TAFA1: variants seen among roughly 807,000 people sequenced by gnomAD.
TAFA1 encodes chemokine-like protein TAFA-1.
TAFA1 carries 4 observed loss-of-function variants against 18.5 expected under a neutral mutation model. That is an observed-to-expected ratio of 0.22 (90% CI 0.11 to 0.49). The LOEUF is 0.49. Among genes scored for constraint, TAFA1 ranks in the 20% least tolerant of loss-of-function variants. TAFA1 has a pLI of 0.98. For missense variants in TAFA1, 147 were observed against 169.0 expected, an observed-to-expected ratio of 0.87 and a Z score of 0.72; for synonymous variants, 56 against 55.2, an observed-to-expected ratio of 1.01 and a Z score of -0.06.
intron 2 of TAFA1, among the ~76,000 whole-genome samples, chr3:68,051,247 A>G (rs930498224): frequency 3.9e-5 from 6 of 152,294 alleles, no homozygotes; most frequent in South Asian, 2.1e-4. Context: ...ATTCATTTCA[A>G]TTTCTACTAT....
At chr3:68,408,123 G>A (rs924188709) in intron 2 of TAFA1, among the ~76,000 whole-genome samples, 4 of 152,014 alleles carry the variant, frequency 2.6e-5, no homozygotes, top group Admixed American at 2.0e-4. Context: ...AAAAATTTGC[G>A]ATTTTTCTTA....
intron 2 of TAFA1, among the ~76,000 whole-genome samples, chr3:68,079,487 C>G (rs28857769): frequency 6.6e-6 from 1 of 152,030 alleles, no homozygotes; most frequent in African/African-American, 2.4e-5. Flanking sequence ...GCTTTGAATG[C>G]GTCCCAGAGA....
intron 3 of TAFA1, among the ~76,000 whole-genome samples, chr3:68,465,237 C>G (rs1259688363): frequency 6.6e-6 from 1 of 152,154 alleles, no homozygotes; most frequent in Non-Finnish European, 1.5e-5. Context: ...GCCTTGAATA[C>G]TACTGGGAAC....
At chr3:68,190,121 C>G (rs2066319959) in intron 2 of TAFA1, among the ~76,000 whole-genome samples, 1 of 151,812 alleles carries the variant, frequency 6.6e-6, no homozygotes, top group Non-Finnish European at 1.5e-5. Context: ...TGAGTGGTAT[C>G]AGAAAGAGAT....
intron 2 of TAFA1, among the ~76,000 whole-genome samples, chr3:68,082,690 T>C (rs2064920312): frequency 6.6e-6 from 1 of 152,232 alleles, no homozygotes; most frequent in Non-Finnish European, 1.5e-5. Flanking sequence ...TTTTATATTG[T>C]ATTATAATAC....
chr3:68,386,942 G>T (rs1466339333), intron 2 of TAFA1, among the ~76,000 whole-genome samples: 1 of 152,068 alleles, frequency 6.6e-6, no homozygotes, highest in Non-Finnish European at 1.5e-5. Flanking sequence ...TCATTCTCTT[G>T]TGTGTATTGG....
At chr3:68,269,490 T>C (rs1395966667) in intron 2 of TAFA1, among the ~76,000 whole-genome samples, 1 of 152,186 alleles carries the variant, frequency 6.6e-6, no homozygotes, top group Non-Finnish European at 1.5e-5. Flanking sequence ...ATACAAATTC[T>C]GATTCAGTAG....
At chr3:68,106,384 A>G (rs2106827298) in intron 2 of TAFA1, among the ~76,000 whole-genome samples, 1 of 152,284 alleles carries the variant, frequency 6.6e-6, no homozygotes, top group South Asian at 2.1e-4. Context: ...GAGCCCTTGA[A>G]ACGTGGTTAG....
At chr3:68,353,330 T>C (rs978205728) in intron 2 of TAFA1, among the ~76,000 whole-genome samples, 6 of 152,092 alleles carry the variant, frequency 3.9e-5, no homozygotes, top group Non-Finnish European at 8.8e-5. Flanking sequence ...ATGGACTTGA[T>C]TGTGTCTCTG....
At chr3:68,190,297 G>T (rs2066321914) in intron 2 of TAFA1, among the ~76,000 whole-genome samples, 2 of 151,952 alleles carry the variant, frequency 1.3e-5, no homozygotes, top group East Asian at 3.9e-4. Context: ...TTCTGATGCT[G>T]GGAGCCTGGC....
intron 2 of TAFA1, among the ~76,000 whole-genome samples, chr3:68,263,506 A>C (rs1207995283): frequency 6.7e-6 from 1 of 150,200 alleles, no homozygotes; most frequent in Non-Finnish European, 1.5e-5. Context: ...ACTGAGGCCC[A>C]GGGACTTACT....
intron 2 of TAFA1, among the ~76,000 whole-genome samples, chr3:68,371,795 A>C (rs1377857836): frequency 6.6e-6 from 1 of 152,206 alleles, no homozygotes; most frequent in African/African-American, 2.4e-5. Context: ...CAAGTTGGAG[A>C]CAGAGAAGAG....
At chr3:68,533,939 T>C (rs1438196157) in intron 3 of TAFA1, among the ~76,000 whole-genome samples, 1 of 152,138 alleles carries the variant, frequency 6.6e-6, no homozygotes, top group Non-Finnish European at 1.5e-5. Flanking sequence ...AAGATGGCCA[T>C]GTAACATGTC....
At chr3:68,193,658 G>T (rs2066375935) in intron 2 of TAFA1, among the ~76,000 whole-genome samples, 1 of 151,622 alleles carries the variant, frequency 6.6e-6, no homozygotes, top group African/African-American at 2.4e-5. Context: ...AAATTATTAT[G>T]CAAATCAATA....
chr3:68,262,550 T>C (rs1218914730), intron 2 of TAFA1, among the ~76,000 whole-genome samples: 4 of 151,864 alleles, frequency 2.6e-5, no homozygotes, highest in Non-Finnish European at 4.4e-5. Flanking sequence ...ATTCTGTTCC[T>C]GGGTTAATTT....
At chr3:68,509,558 C>T (rs1213979996) in intron 3 of TAFA1, among the ~76,000 whole-genome samples, 1 of 152,054 alleles carries the variant, frequency 6.6e-6, no homozygotes, top group African/African-American at 2.4e-5. Context: ...AATAGATATG[C>T]TTATGGGCAA....
At chr3:68,356,499 A>C (rs1289024582) in intron 2 of TAFA1, among the ~76,000 whole-genome samples, 1 of 151,892 alleles carries the variant, frequency 6.6e-6, no homozygotes, top group African/African-American at 2.4e-5. Flanking sequence ...CCCAAAGAGC[A>C]AGATCTTTCC....
At chr3:68,065,828 C>G (rs903624057) in intron 2 of TAFA1, among the ~76,000 whole-genome samples, 1 of 149,800 alleles carries the variant, frequency 6.7e-6, no homozygotes, top group East Asian at 2.0e-4. Flanking sequence ...TTTTTATTAG[C>G]TAAAAATTGA....
chr3:68,522,486 GTCT>G (rs1028130512), intron 3 of TAFA1, among the ~76,000 whole-genome samples: 1 of 152,192 alleles, frequency 6.6e-6, no homozygotes, highest in South Asian at 2.1e-4. Flanking sequence ...AGGCTTCCAA[GTCT>G]TCTTCTAGTC....
Sources: gnomAD v4.1 joint callset for allele counts (sites outside exome capture counted in the v4.1 genomes callset) on GRCh38, gnomAD v4.1.1 for gene constraint, MANE v1.5 for transcripts, NCBI Gene and HGNC (gene_info 2026-07-23, HGNC 2026-07-21) for gene names.